Variants in SRBD1 observed in about 807,000 individuals in gnomAD.
SRBD1 encodes S1 RNA binding domain 1.
A neutral mutation model predicts 115.3 loss-of-function variants in SRBD1; 88 were observed. The ratio of observed to expected loss-of-function variants is 0.76; its 90% confidence interval spans 0.64 to 0.91. The LOEUF (loss-of-function observed/expected upper bound fraction) is 0.91. Ranked by LOEUF, SRBD1 falls within the 40% of genes least tolerant of loss-of-function variation. The pLI is 0.00. For missense variants in SRBD1, 1,385 were observed against 1,177.4 expected, an observed-to-expected ratio of 1.18 and a Z score of -2.58; for synonymous variants, 509 against 407.7, an observed-to-expected ratio of 1.25 and a Z score of -2.99.
intron 16 of SRBD1, among the ~76,000 whole-genome samples, chr2:45,437,773 A>G (rs1004530013): frequency 6.6e-6 from 1 of 152,186 alleles, no homozygotes; most frequent in Non-Finnish European, 1.5e-5. Context: ...AAAATGAATC[A>G]TAGACCTAAA....
intron 16 of SRBD1, among the ~76,000 whole-genome samples, chr2:45,454,856 A>G (rs977465322): frequency 6.6e-6 from 1 of 151,928 alleles, no homozygotes; most frequent in African/African-American, 2.4e-5. Flanking sequence ...TCTTGTTTCT[A>G]TTCTAATTTG....
rs1321092502 is a variant in SRBD1, at chr2:45,388,782, T to C, written c.*528A>G. 1.3e-5 allele frequency: 2 copies of C among 153,688 alleles called. No individual in the cohort carries two copies. Among genetic ancestry groups the C allele is most frequent in the African/African-American group, 4.8e-5 (2 of 41,464 alleles). The allele number at this position is 153,688 out of a possible 1,614,324, so 9.5% of individuals were successfully genotyped here. ...ACTACAAACACGTCAGAATCTGTTT[T>C]ACTGGTATATTTTTGGCTTGCATGA... is the stretch of plus-strand genomic sequence containing the variant. On this transcript the variant is annotated 3_prime_UTR_variant, in exon 21 of 21. Coordinates refer to ENST00000263736, the MANE Select transcript of SRBD1 (RefSeq NM_018079.5).
intron 16 of SRBD1, among the ~76,000 whole-genome samples, chr2:45,450,268 G>A (rs1320256903): frequency 6.6e-6 from 1 of 152,166 alleles, no homozygotes; most frequent in Non-Finnish European, 1.5e-5. Context: ...TGAGAAGATA[G>A]CGAATTCAAA....
rs373620340 is a variant in SRBD1 at position 45,412,623 on chromosome 2, A to G, written c.2513+491T>C. Among the ~76,000 whole-genome samples the G allele has an allele frequency of 6.6e-5, 10 of 152,314 alleles. No homozygotes were observed. In the South Asian group the frequency reaches 1.2e-3, roughly 19 times the overall value. On this transcript the variant is annotated intron_variant, in intron 19 of 20. Coordinates refer to ENST00000263736, the MANE Select transcript of SRBD1 (RefSeq NM_018079.5). ...CTGTTAAAAAGATTTTTCTTTTTATACCGTAAACTTCCCTTCTACTCAAAA... is the reference window on the plus strand; with the variant it reads ...CTGTTAAAAAGATTTTTCTTTTTATGCCGTAAACTTCCCTTCTACTCAAAA...
Position 45,389,196 on chromosome 2 carries a change from G to T in SRBD1, c.*114C>A. ...AGGAAAGTGTTTGGAAAATATTTCT[G>T]ATATTAAGTGAATTATTTCTCATCT... is the stretch of plus-strand genomic sequence containing the variant. On this transcript the variant is annotated 3_prime_UTR_variant, in exon 21 of 21. Transcript: ENST00000263736. 8.4e-7 allele frequency: 1 copy of T among 1,196,144 alleles called. No homozygotes were observed. Among genetic ancestry groups the T allele is most frequent in the Non-Finnish European group, 1.2e-6 (1 of 861,026 alleles). The allele number at this position is 1,196,144 out of a possible 1,614,324, so 74.1% of individuals were successfully genotyped here. A position where few individuals can be genotyped will look rare whatever the true frequency, so the allele number is the denominator to read the frequency against.
intron 11 of SRBD1, among the ~76,000 whole-genome samples, chr2:45,552,805 T>C (rs1330534016): frequency 6.6e-6 from 1 of 152,200 alleles, no homozygotes; most frequent in Non-Finnish European, 1.5e-5. Context: ...TATGTGTCTT[T>C]TTTAATAGTA....
chr2:45,431,337 C>T (rs528317472), intron 16 of SRBD1, among the ~76,000 whole-genome samples: 46 of 152,178 alleles, frequency 3.0e-4, no homozygotes, highest in African/African-American at 6.0e-4. Context: ...CACATGCACA[C>T]GTATGTTTAT....
intron 14 of SRBD1, among the ~76,000 whole-genome samples, chr2:45,543,337 G>T (rs1368425311): frequency 6.6e-6 from 1 of 152,204 alleles, no homozygotes; most frequent in Non-Finnish European, 1.5e-5. Flanking sequence ...ATGAATGAGA[G>T]AAAAGACAGA....
intron 14 of SRBD1, among the ~76,000 whole-genome samples, chr2:45,496,871 A>C (rs1448759381): frequency 1.3e-5 from 2 of 152,192 alleles, no homozygotes. Context: ...ATTCTGGAGC[A>C]GCCTCAACCT....
intron 14 of SRBD1, among the ~76,000 whole-genome samples, chr2:45,494,255 T>G (rs534663064): frequency 4.9e-4 from 75 of 152,360 alleles, no homozygotes; most frequent in Non-Finnish European, 7.3e-5. Context: ...ATTATTACTT[T>G]AATTGTATTC....
intron 14 of SRBD1, among the ~76,000 whole-genome samples, chr2:45,515,804 G>A (rs1035965992): frequency 6.6e-6 from 1 of 152,170 alleles, no homozygotes; most frequent in East Asian, 1.9e-4. Flanking sequence ...GTACAATGTT[G>A]TAATATTTCT....
At chr2:45,521,320 A>ACAC (rs1558451567) in intron 14 of SRBD1, among the ~76,000 whole-genome samples, 1 of 111,488 alleles carries the variant, frequency 9.0e-6, no homozygotes, top group South Asian at 2.9e-4. Context: ...CACACACACA[A>ACAC]ACCAAACTCG....
At chr2:45,568,583 A>C (rs527479237) in intron 9 of SRBD1, among the ~76,000 whole-genome samples, 1 of 152,328 alleles carries the variant, frequency 6.6e-6, no homozygotes, top group South Asian at 2.1e-4. Flanking sequence ...ATACTGTCAC[A>C]CCCAGAAGCC....
At chr2:45,462,703 G>A (rs1310793314) in intron 16 of SRBD1, among the ~76,000 whole-genome samples, 1 of 151,414 alleles carries the variant, frequency 6.6e-6, no homozygotes, top group Non-Finnish European at 1.5e-5. Flanking sequence ...TCGGGCACCT[G>A]TAGTCCCAGC....
intron 16 of SRBD1, among the ~76,000 whole-genome samples, chr2:45,437,136 T>C (rs145650837): frequency 1.4e-3 from 209 of 152,240 alleles, no homozygotes; most frequent in African/African-American, 4.8e-3. Flanking sequence ...AGATATTTCA[T>C]GTATGTGGGT....
intron 11 of SRBD1, among the ~76,000 whole-genome samples, 189 bp from the exon 12 acceptor site, chr2:45,551,471 C>T (rs1053463310): frequency 3.9e-5 from 6 of 152,114 alleles, no homozygotes; most frequent in Non-Finnish European, 7.4e-5. Flanking sequence ...ATACCACAAG[C>T]AATTCTGAAG....
chr2:45,421,524 A>AAAAAAAAAAAAAAAAC (rs1228285757), intron 16 of SRBD1, among the ~76,000 whole-genome samples: 1 of 133,734 alleles, frequency 7.5e-6, no homozygotes, highest in African/African-American at 2.8e-5. Context: ...AAAAAAAAAA[A>AAAAAAAAAAAAAAAAC]AAAAAAAAAA....
At chr2:45,597,445 T>C (rs544743505) in intron 4 of SRBD1, among the ~76,000 whole-genome samples, 22 of 150,298 alleles carry the variant, frequency 1.5e-4, no homozygotes, top group Non-Finnish European at 1.2e-4. Context: ...AATGTGGAAC[T>C]GCAATACAGA....
chr2:45,491,427 T>G (rs1187628866), intron 14 of SRBD1, among the ~76,000 whole-genome samples: 2 of 152,200 alleles, frequency 1.3e-5, no homozygotes, highest in Admixed American at 6.5e-5. Flanking sequence ...CTGAGCAGAA[T>G]TTATCATCTG....
Sources: gnomAD v4.1 joint callset for allele counts (sites outside exome capture counted in the v4.1 genomes callset) on GRCh38, gnomAD v4.1.1 for gene constraint, MANE v1.5 for transcripts, NCBI Gene and HGNC (gene_info 2026-07-23, HGNC 2026-07-21) for gene names.